The following CADM2 variants were observed in gnomAD, a reference collection of about 807,000 sequenced individuals.
CADM2 encodes the protein immunoglobulin superfamily member 4D.
In CADM2, 12 loss-of-function variants were observed where a neutral mutation model predicts 49.8. That is an observed-to-expected ratio of 0.24 (90% CI 0.15 to 0.39). The LOEUF (loss-of-function observed/expected upper bound fraction) is 0.39. Among genes scored for constraint, CADM2 ranks in the 10% least tolerant of loss-of-function variants. The pLI, the probability that CADM2 is intolerant of heterozygous loss-of-function variation, is 1.00. For missense variants in CADM2, 378 were observed against 492.3 expected (o/e 0.77, Z 2.20); for synonymous variants, 214 against 175.4 (o/e 1.22, Z -1.74).
intron 1 of CADM2, among the ~76,000 whole-genome samples, chr3:85,563,523 T>C (rs73843655): frequency 0.016 from 2,392 of 152,140 alleles, 76 homozygotes; most frequent in African/African-American, 0.054. Context: ...TATTTCTGAT[T>C]TTTGTGTGTA....
intron 1 of CADM2, among the ~76,000 whole-genome samples, chr3:85,492,467 C>T (rs2039714633): frequency 6.6e-6 from 1 of 152,014 alleles, no homozygotes; most frequent in Non-Finnish European, 1.5e-5. Flanking sequence ...TAGTGCGTGC[C>T]TGTAGTTCCA....
Position 86,003,110 on chromosome 3 carries a change from G to A in CADM2, c.970+41463G>A, listed in dbSNP as rs540963983. 2.0e-5 allele frequency among the ~76,000 whole-genome samples: 3 copies of A among 152,248 alleles called. No homozygotes were observed. The South Asian group carries it at 6.2e-4, about 32-fold the overall frequency. On this transcript the variant is annotated intron_variant, in intron 8 of 9. Coordinates refer to ENST00000383699, the MANE Select transcript of CADM2 (RefSeq NM_001167675.2). Reference sequence around the variant, plus strand: ...GTATCCTCCTCCTTAACAGAGACCAGGTTGACTGCTCAGTTTAATAAAGAT... The same window carrying A: ...GTATCCTCCTCCTTAACAGAGACCAAGTTGACTGCTCAGTTTAATAAAGAT...
At chr3:86,059,884 A>T (rs897478295) in intron 8 of CADM2, among the ~76,000 whole-genome samples, 1 of 151,944 alleles carries the variant, frequency 6.6e-6, no homozygotes, top group Non-Finnish European at 1.5e-5. Flanking sequence ...ATGGGGATTT[A>T]AAAAAAAGCA....
intron 1 of CADM2, among the ~76,000 whole-genome samples, chr3:85,604,867 T>G (rs1458763628): frequency 6.6e-6 from 1 of 151,960 alleles, no homozygotes; most frequent in East Asian, 1.9e-4. Context: ...ACATGCCACT[T>G]TACGCTTATA....
chr3:86,036,690 C>T (rs906749793), intron 8 of CADM2, among the ~76,000 whole-genome samples: 1 of 152,076 alleles, frequency 6.6e-6, no homozygotes, highest in Non-Finnish European at 1.5e-5. Flanking sequence ...TACTCAGCCT[C>T]CCAGTGCCTC....
At chr3:85,659,192 A>G (rs1307767442) in intron 1 of CADM2, among the ~76,000 whole-genome samples, 1 of 151,796 alleles carries the variant, frequency 6.6e-6, no homozygotes, top group African/African-American at 2.4e-5. Context: ...ACTCATGGGA[A>G]TATAATTGAC....
At chr3:85,262,930 G>A (rs2043043841) in intron 1 of CADM2, among the ~76,000 whole-genome samples, 1 of 133,894 alleles carries the variant, frequency 7.5e-6, no homozygotes, top group Non-Finnish European at 1.5e-5. Context: ...GTATGTGTAT[G>A]TGTAAATATG....
intron 8 of CADM2, among the ~76,000 whole-genome samples, chr3:86,020,864 A>G (rs974223583): frequency 6.6e-6 from 1 of 152,144 alleles, no homozygotes; most frequent in South Asian, 2.1e-4. Context: ...ATCTATGACA[A>G]ACCCACAGCC....
Position 85,983,919 on chromosome 3 carries a change from A to C in CADM2, c.970+22272A>C, listed in dbSNP as rs527750132. Among the ~76,000 whole-genome samples the C allele has an allele frequency of 2.9e-3, 433 of 151,188 alleles. 1 individual carries two copies. Among genetic ancestry groups the C allele is most frequent in the Non-Finnish European group, 4.4e-3 (295 of 67,552 alleles). ...AGTATTCTTAATCTATATCATTTTA[A>C]TTGTTTCAGCTTTTGGAAATTGCGT... is the stretch of plus-strand genomic sequence containing the variant. On this transcript the variant is annotated intron_variant, in intron 8 of 9. Coordinates refer to ENST00000383699, the MANE Select transcript of CADM2 (RefSeq NM_001167675.2).
chr3:85,581,839 G>A (rs990454013), intron 1 of CADM2, among the ~76,000 whole-genome samples: 18 of 151,290 alleles, frequency 1.2e-4, no homozygotes, highest in African/African-American at 4.4e-4. Context: ...AAAAAAAAAA[G>A]GTGAACTGAA....
intron 1 of CADM2, among the ~76,000 whole-genome samples, chr3:85,185,606 A>G (rs918475940): frequency 1.3e-5 from 2 of 152,070 alleles, no homozygotes; most frequent in African/African-American, 4.8e-5. Flanking sequence ...TCTACTTCAC[A>G]CATTCCTTCC....
intron 2 of CADM2, among the ~76,000 whole-genome samples, chr3:85,788,960 T>C (rs719852): frequency 1.3e-5 from 2 of 152,132 alleles, no homozygotes; most frequent in African/African-American, 4.8e-5. Context: ...TTCAGTATTA[T>C]TAGTGACTTT....
At chr3:85,422,635 T>G (rs2036226165) in intron 1 of CADM2, among the ~76,000 whole-genome samples, 1 of 152,174 alleles carries the variant, frequency 6.6e-6, no homozygotes, top group African/African-American at 2.4e-5. Context: ...ATATTGAAGT[T>G]TAATAGAATT....
At chr3:85,157,377 G>A (rs866475645) in intron 1 of CADM2, among the ~76,000 whole-genome samples, 29 of 150,612 alleles carry the variant, frequency 1.9e-4, no homozygotes, top group Non-Finnish European at 4.1e-4. Flanking sequence ...AGCCCGCATC[G>A]CCAAGTCAAT....
Position 85,496,874 on chromosome 3 carries a change from T to G in CADM2, c.62-229648T>G, listed in dbSNP as rs1290119920. Among the ~76,000 whole-genome samples the G allele has an allele frequency of 3.3e-5, 5 of 152,312 alleles. No homozygotes were observed. In the East Asian group the frequency reaches 7.7e-4, roughly 24 times the overall value. ...ATTTTCTAATTTTTTAGATGGAGTC[T>G]TGCTCTGTTGCCAGGCTGGAGTGCA... On this transcript the variant is annotated intron_variant, in intron 1 of 9. Transcript: ENST00000383699.
chr3:85,930,748 G>C (rs1377565041), intron 6 of CADM2, among the ~76,000 whole-genome samples: 1 of 151,978 alleles, frequency 6.6e-6, no homozygotes, highest in African/African-American at 2.4e-5. Context: ...AAAACAAAAT[G>C]ATCTCCAGTT....
intron 1 of CADM2, among the ~76,000 whole-genome samples, chr3:85,356,883 T>G (rs965921459): frequency 6.6e-6 from 1 of 152,130 alleles, no homozygotes; most frequent in Non-Finnish European, 1.5e-5. Context: ...TATTTTATGA[T>G]AAAATCTGCA....
intron 1 of CADM2, among the ~76,000 whole-genome samples, chr3:85,263,688 T>A (rs1309585687): frequency 1.3e-5 from 2 of 152,132 alleles, no homozygotes; most frequent in Non-Finnish European, 2.9e-5. Flanking sequence ...TATTCCAATT[T>A]TTTTTCTAAT....
rs7648767 is a variant in CADM2, at chr3:85,037,424, C to A, written c.61+77756C>A. ...TGGTTGCCCAAAGTTCACTCTTGAACGTACAAGCTCTAGGCCTAGATTAGA... is the reference window on the plus strand; with the variant it reads ...TGGTTGCCCAAAGTTCACTCTTGAAAGTACAAGCTCTAGGCCTAGATTAGA... On this transcript the variant is annotated intron_variant, in intron 1 of 9. Transcript: ENST00000383699. Among the ~76,000 whole-genome samples, 690 of 152,302 alleles carry A rather than the reference C, an allele frequency of 4.5e-3. 4 individuals carry two copies. The highest frequency in any genetic ancestry group is 0.016 in the African/African-American group (664 of 41,564).
Sources: allele counts gnomAD v4.1 joint callset (sites outside exome capture counted in the v4.1 genomes callset), GRCh38; gene constraint gnomAD v4.1.1; transcripts MANE v1.5; gene names NCBI Gene and HGNC (gene_info 2026-07-23, HGNC 2026-07-21).